The following VPS41 variants were observed in gnomAD, a reference collection of about 807,000 sequenced individuals.
The protein encoded by VPS41 is vacuolar protein sorting-associated protein 41 homolog.
In VPS41, 85 loss-of-function variants were observed where a neutral mutation model predicts 130.9. That is an observed-to-expected ratio of 0.65 (90% CI 0.55 to 0.78). The LOEUF (loss-of-function observed/expected upper bound fraction) is 0.78. Among genes scored for constraint, VPS41 ranks in the 30% least tolerant of loss-of-function variants. The pLI, the probability that VPS41 is intolerant of heterozygous loss-of-function variation, is 0.00. For missense variants in VPS41, 874 were observed against 1,018.7 expected, an observed-to-expected ratio of 0.86 and a Z score of 1.93; for synonymous variants, 335 against 332.9, an observed-to-expected ratio of 1.01 and a Z score of -0.07.
intron 25 of VPS41, among the ~76,000 whole-genome samples, chr7:38,731,045 G>A (rs1291970221): frequency 6.6e-6 from 1 of 152,190 alleles, no homozygotes; most frequent in Non-Finnish European, 1.5e-5. Context: ...AGCCAGGAGA[G>A]GGGAAAGTAC....
chr7:38,796,666 C>T, intron 8 of VPS41, 79 bp downstream of exon 8: 1 of 1,602,580 alleles, frequency 6.2e-7, no homozygotes, highest in South Asian at 1.1e-5. Flanking sequence ...GGCATCTTTT[C>T]CCTTCATTAC....
chr7:38,831,379 A>G (rs998932155), intron 4 of VPS41: 2 of 384,558 alleles, frequency 5.2e-6, no homozygotes, highest in African/African-American at 4.2e-5. Context: ...CTGCTGCACT[A>G]ACACATGCCA....
At chr7:38,900,061 A>G (rs1787108796) in intron 1 of VPS41, among the ~76,000 whole-genome samples, 1 of 152,144 alleles carries the variant, frequency 6.6e-6, no homozygotes, top group African/African-American at 2.4e-5. Context: ...CAGACTGGCC[A>G]ACATGGTGAA....
chr7:38,871,891 G>C (rs901774839), intron 2 of VPS41, among the ~76,000 whole-genome samples: 2 of 152,152 alleles, frequency 1.3e-5, no homozygotes, highest in Non-Finnish European at 2.9e-5. Context: ...AAACTCATAG[G>C]TTCAAGAAAT....
intron 5 of VPS41, among the ~76,000 whole-genome samples, chr7:38,824,375 T>G (rs567634523): frequency 2.6e-5 from 4 of 152,200 alleles, no homozygotes; most frequent in African/African-American, 4.8e-5. Flanking sequence ...ATTTTTGAAG[T>G]CTGCACAATT....
intron 4 of VPS41, among the ~76,000 whole-genome samples, chr7:38,850,847 T>A (rs886387442): frequency 7.2e-5 from 11 of 152,204 alleles, no homozygotes; most frequent in African/African-American, 2.7e-4. Context: ...ATTCCCATTT[T>A]CTAGAAATCT....
intron 9 of VPS41, among the ~76,000 whole-genome samples, chr7:38,793,551 G>T (rs948202069): frequency 6.6e-6 from 1 of 152,132 alleles, no homozygotes; most frequent in Non-Finnish European, 1.5e-5. Flanking sequence ...TAAAGAAAGG[G>T]TATATGTTTC....
chr7:38,787,246 G>A (rs1158855804), intron 10 of VPS41, among the ~76,000 whole-genome samples: 4 of 152,008 alleles, frequency 2.6e-5, no homozygotes, highest in Non-Finnish European at 4.4e-5. Flanking sequence ...CCCAGAAAAT[G>A]ACACACAAAC....
intron 22 of VPS41, among the ~76,000 whole-genome samples, chr7:38,751,696 G>C (rs1204180398): frequency 6.6e-6 from 1 of 152,108 alleles, no homozygotes; most frequent in Non-Finnish European, 1.5e-5. Flanking sequence ...TAGGATGTAG[G>C]AGAAACAAAG....
At chr7:38,814,454 T>C (rs373268465) in intron 7 of VPS41, among the ~76,000 whole-genome samples, 1 of 152,018 alleles carries the variant, frequency 6.6e-6, no homozygotes, top group African/African-American at 2.4e-5. Context: ...ATCAAGACCA[T>C]CCTGGCTAAC....
intron 2 of VPS41, among the ~76,000 whole-genome samples, chr7:38,883,946 A>C (rs1464666708): frequency 6.6e-6 from 1 of 152,346 alleles, no homozygotes; most frequent in East Asian, 1.9e-4. Context: ...TAAATGAAAG[A>C]GCAAGTTTGT....
chr7:38,858,019 G>A (rs1020040379), intron 4 of VPS41, among the ~76,000 whole-genome samples: 2 of 152,188 alleles, frequency 1.3e-5, no homozygotes, highest in African/African-American at 2.4e-5. Context: ...CCTGGGTTAC[G>A]ATAAGGAGTT....
At position 38,909,143 on chromosome 7, in the gene VPS41, G is replaced by A. The variant is rs1787332546; in HGVS notation, c.21+11C>T. ...ATCCCTGTGCCCTCAACTACCACCT[G>A]CACCCTTTACCTGCTCCTCTGCTTC... On this transcript the variant is annotated intron_variant, in intron 1 of 28. Coordinates refer to ENST00000310301, the MANE Select transcript of VPS41 (RefSeq NM_014396.4). 1.9e-6 allele frequency: 3 copies of A among 1,613,916 alleles called. No homozygotes were observed. The highest frequency in any genetic ancestry group is 3.3e-5 in the Admixed American group (2 of 60,006).
chr7:38,768,912 C>G (rs544128648), intron 14 of VPS41, among the ~76,000 whole-genome samples: 1 of 152,178 alleles, frequency 6.6e-6, no homozygotes, highest in Non-Finnish European at 1.5e-5. Flanking sequence ...CTACCATCAT[C>G]CCAGGATGCC....
chr7:38,846,510 C>T (rs928188487), intron 4 of VPS41, among the ~76,000 whole-genome samples: 11 of 152,114 alleles, frequency 7.2e-5, no homozygotes, highest in Admixed American at 2.0e-4. Context: ...ACAGTGTAGG[C>T]GCAATGCAGG....
intron 10 of VPS41, 50 bp downstream of exon 10, chr7:38,789,751 A>T: frequency 6.2e-7 from 1 of 1,601,080 alleles, no homozygotes; most frequent in Non-Finnish European, 8.6e-7. Flanking sequence ...TGAAGACGAA[A>T]ATTTTGAATG....
Position 38,763,525 on chromosome 7 carries a change from C to G in VPS41, c.1352G>C (p.Arg451Thr). 1 of 1,605,852 alleles carries G rather than the reference C, an allele frequency of 6.2e-7. No homozygotes were observed. Among genetic ancestry groups the G allele is most frequent in the African/African-American group, 1.3e-5 (1 of 74,462 alleles). The part of the protein sequence containing the change: ...QLKAISPYLP[R>T]GDPVLKPLIY... ...GAGTGGTTTCAGAACTGGATCACCT[C>G]TTGGCAAATAAGGACTAATAGCCTA... The change falls in exon 17 of 29, where the codon AGA becomes ACA. Residue 451 changes from arginine (R) to threonine (T), a missense_variant. Coordinates refer to ENST00000310301, the MANE Select transcript of VPS41 (RefSeq NM_014396.4).
chr7:38,747,144 A>G (rs1796001785), intron 22 of VPS41, among the ~76,000 whole-genome samples: 1 of 152,190 alleles, frequency 6.6e-6, no homozygotes, highest in African/African-American at 2.4e-5. Context: ...CTTGCCTGTC[A>G]ATCACCATTG....
chr7:38,737,103 C>T (rs535600482), intron 25 of VPS41, among the ~76,000 whole-genome samples: 27 of 152,272 alleles, frequency 1.8e-4, no homozygotes, highest in South Asian at 8.3e-4. Flanking sequence ...AGGCCAGGCG[C>T]GGTGGCTCAC....
Sources: allele counts gnomAD v4.1 joint callset (sites outside exome capture counted in the v4.1 genomes callset), GRCh38; gene constraint gnomAD v4.1.1; transcripts MANE v1.5; gene names NCBI Gene and HGNC (gene_info 2026-07-23, HGNC 2026-07-21).